The following ABCC4 variants were observed in gnomAD, a reference collection of about 807,000 sequenced individuals.
The protein encoded by ABCC4 is ATP-binding cassette sub-family C member 4.
ABCC4 carries 102 observed loss-of-function variants against 168.5 expected under a neutral mutation model. The ratio of observed to expected loss-of-function variants is 0.61; its 90% CI spans 0.52 to 0.71. The LOEUF (loss-of-function observed/expected upper bound fraction) is 0.71, where lower values mean the gene tolerates loss of function less well. Among genes scored for constraint, ABCC4 ranks in the 30% least tolerant of loss-of-function variants. The probability of loss-of-function intolerance (pLI) is 0.00; values close to 1 mark genes in which losing one functional copy is unlikely to be tolerated. For missense variants in ABCC4, 1,402 were observed against 1,605.8 expected, an observed-to-expected ratio of 0.87 and a Z score of 2.17; for synonymous variants, 617 against 590.7, an observed-to-expected ratio of 1.04 and a Z score of -0.65.
intron 4 of ABCC4, among the ~76,000 whole-genome samples, chr13:95,213,710 T>C (rs2039027958): frequency 6.6e-6 from 1 of 152,158 alleles, no homozygotes; most frequent in South Asian, 2.1e-4. Context: ...AGCTGTGCAC[T>C]TGGAATAAGT....
Position 95,021,424 on chromosome 13 carries a change from C to A in ABCC4, c.*151G>T. 1.8e-6 allele frequency: 1 copy of A among 553,412 alleles called. No individual in the cohort carries two copies. The highest frequency in any genetic ancestry group is 3.2e-6 in the Non-Finnish European group (1 of 310,818). The allele number at this position is 553,412 out of a possible 1,614,324, so 34.3% of individuals were successfully genotyped here. A position where few individuals can be genotyped will look rare whatever the true frequency, so the allele number is the denominator to read the frequency against. On this transcript the variant is annotated 3_prime_UTR_variant, in exon 31 of 31. Transcript: ENST00000645237. ...AAACCATTTTGTTAGAGCTGGAGAT[C>A]CTTGGATAAGTTGGGAGAAATATTC...
intron 4 of ABCC4, among the ~76,000 whole-genome samples, chr13:95,213,031 G>A (rs2039006916): frequency 6.6e-6 from 1 of 151,990 alleles, no homozygotes; most frequent in African/African-American, 2.4e-5. Context: ...GGAGGCTGAG[G>A]CAGGAGAATC....
intron 30 of ABCC4, among the ~76,000 whole-genome samples, chr13:95,024,631 T>G (rs1346304948): frequency 6.6e-6 from 1 of 152,180 alleles, no homozygotes; most frequent in African/African-American, 2.4e-5. Flanking sequence ...GTCAGTTCAT[T>G]TTTACTGATG....
chr13:95,077,328 GA>G, intron 21 of ABCC4, among the ~76,000 whole-genome samples: 1 of 152,176 alleles, frequency 6.6e-6, no homozygotes, highest in East Asian at 1.9e-4. Context: ...GAGAAGTTAA[GA>G]TAACTTTTTA....
chr13:95,265,244 G>T (rs1351969355), intron 1 of ABCC4, among the ~76,000 whole-genome samples: 1 of 152,172 alleles, frequency 6.6e-6, no homozygotes, highest in East Asian at 1.9e-4. Context: ...AACTATGGTA[G>T]AAGCTAACAG....
intron 19 of ABCC4, among the ~76,000 whole-genome samples, chr13:95,148,148 T>C (rs1319079665): frequency 6.6e-6 from 1 of 152,154 alleles, no homozygotes; most frequent in African/African-American, 2.4e-5. Flanking sequence ...TCATCTCAAT[T>C]AGTCAAAAAA....
intron 3 of ABCC4, among the ~76,000 whole-genome samples, chr13:95,241,427 T>C (rs2039941488): frequency 6.6e-6 from 1 of 151,754 alleles, no homozygotes; most frequent in African/African-American, 2.4e-5. Context: ...TTCAACTATC[T>C]AAAATACAAA....
Position 95,207,852 on chromosome 13 carries a change from T to G in ABCC4, c.859A>C (p.Lys287Gln), listed in dbSNP as rs1431223818. 2 of 1,612,988 alleles carry G rather than the reference T, an allele frequency of 1.2e-6. No individual in the cohort carries two copies. Among genetic ancestry groups the G allele is most frequent in the Non-Finnish European group, 1.7e-6 (2 of 1,179,810 alleles). ...NEVITGIRIIKMYAWEKSFSN... is the reference protein window; with the variant it reads ...NEVITGIRIIQMYAWEKSFSN... Reference sequence around the variant, plus strand: ...AATGACTTTTCCCAGGCGTACATTTTTATTATCCTTATACCAGTTATAACT... The same window carrying G: ...AATGACTTTTCCCAGGCGTACATTTGTATTATCCTTATACCAGTTATAACT... The change falls in exon 7 of 31, where the codon AAA becomes CAA. Residue 287 changes from lysine to glutamine, a missense_variant. Physicochemically the swap from Lys to Gln is moderately conservative, Grantham distance 53. This residue lies in a region of ABCC4 where 78 missense variants were observed against 133.0 expected (regional missense o/e 0.59). Coordinates refer to ENST00000645237, the MANE Select transcript of ABCC4 (RefSeq NM_005845.5).
intron 19 of ABCC4, among the ~76,000 whole-genome samples, chr13:95,130,270 T>A (rs2035915930): frequency 6.6e-6 from 1 of 152,204 alleles, no homozygotes; most frequent in Non-Finnish European, 1.5e-5. Context: ...TTACTATTTT[T>A]AAGAGATATA....
chr13:95,295,022 A>C (rs998810978), intron 1 of ABCC4, among the ~76,000 whole-genome samples: 1 of 152,166 alleles, frequency 6.6e-6, no homozygotes, highest in Non-Finnish European at 1.5e-5. Context: ...CTAAATGAAT[A>C]ATCTAAACCG....
At chr13:95,218,935 A>AAG (rs879448359) in intron 4 of ABCC4, among the ~76,000 whole-genome samples, 466 of 26,588 alleles carry the variant, frequency 0.018, 5 homozygotes, top group African/African-American at 0.063. Context: ...AAGAGAAAGA[A>AAG]AGAAAGAAAG....
At chr13:95,278,806 GAAAAAAAAAAAAA>G (rs71113905) in intron 1 of ABCC4, among the ~76,000 whole-genome samples, 4 of 34,362 alleles carry the variant, frequency 1.2e-4, no homozygotes, top group Non-Finnish European at 1.8e-4. Flanking sequence ...CCCTGTCTCG[GAAAAAAAAAAAAA>G]AAAAAAAAAA....
At chr13:95,269,222 G>T in intron 1 of ABCC4, 1 of 449,278 alleles carries the variant, frequency 2.2e-6, no homozygotes, top group East Asian at 7.3e-5. Context: ...TTGACTAGAA[G>T]TCAGGGTGGG....
intron 4 of ABCC4, among the ~76,000 whole-genome samples, chr13:95,215,042 T>C (rs775062858): frequency 1.3e-5 from 2 of 152,148 alleles, no homozygotes; most frequent in Non-Finnish European, 1.5e-5. Flanking sequence ...TAAAGAATAC[T>C]TTTCAAGCTA....
chr13:95,258,336 T>A (rs1435108231), intron 1 of ABCC4, among the ~76,000 whole-genome samples: 2 of 152,170 alleles, frequency 1.3e-5, no homozygotes, highest in Non-Finnish European at 2.9e-5. Flanking sequence ...TGGCCTGATG[T>A]GTTTCTGACA....
chr13:95,183,307 C>G (rs1479549146), intron 11 of ABCC4, among the ~76,000 whole-genome samples: 1 of 152,178 alleles, frequency 6.6e-6, no homozygotes, highest in Non-Finnish European at 1.5e-5. Context: ...CAGAGACGCT[C>G]AGGACCATTT....
chr13:95,176,815 T>C (rs1170574515), intron 13 of ABCC4, among the ~76,000 whole-genome samples: 1 of 152,218 alleles, frequency 6.6e-6, no homozygotes, highest in Non-Finnish European at 1.5e-5. Context: ...GGAAGCTGAC[T>C]GTGGGGCAGA....
intron 4 of ABCC4, among the ~76,000 whole-genome samples, chr13:95,213,495 C>T (rs1415212671): frequency 1.3e-5 from 2 of 152,170 alleles, no homozygotes; most frequent in Non-Finnish European, 2.9e-5. Context: ...GGGTACTTTG[C>T]CAACGGCTTC....
chr13:95,258,138 C>A (rs2040438361), intron 1 of ABCC4, among the ~76,000 whole-genome samples: 1 of 152,192 alleles, frequency 6.6e-6, no homozygotes, highest in Non-Finnish European at 1.5e-5. Context: ...ATTTTCAGGA[C>A]CCCAACAGCC....
Sources: gnomAD v4.1 joint callset for allele counts (sites outside exome capture counted in the v4.1 genomes callset) on GRCh38, gnomAD v4.1.1 for gene constraint, gnomAD v4.1.1 regional missense constraint, MANE v1.5 for transcripts, NCBI Gene and HGNC (gene_info 2026-07-23, HGNC 2026-07-21) for gene names.